Variants in PRSS3 observed in about 807,000 individuals in gnomAD.
PRSS3 encodes the protein serine protease 3, also known as trypsin-3.
In PRSS3, 14 loss-of-function variants were observed where a neutral mutation model predicts 20.8. The ratio of observed to expected loss-of-function variants is 0.67; its 90% confidence interval spans 0.44 to 1.05. The LOEUF is 1.05. PRSS3 is among the 50% of genes least tolerant of loss of function. The pLI is 0.00. For missense variants in PRSS3, 237 were observed against 306.4 expected (o/e 0.77, Z 1.69); for synonymous variants, 91 against 117.6 (o/e 0.77, Z 1.46).
At chr9:33,757,745 T>C (rs1823018692) in intron 1 of PRSS3, among the ~76,000 whole-genome samples, 1 of 152,180 alleles carries the variant, frequency 6.6e-6, no homozygotes. Flanking sequence ...TGATAAATGT[T>C]AGTTGACTTA....
chr9:33,753,805 T>C (rs1286217221), intron 1 of PRSS3, among the ~76,000 whole-genome samples: 3 of 152,196 alleles, frequency 2.0e-5, no homozygotes, highest in African/African-American at 7.2e-5. Context: ...AAAACCCTAC[T>C]ACAACGGCTT....
intron 1 of PRSS3, among the ~76,000 whole-genome samples, chr9:33,758,930 G>A (rs1445526825): frequency 6.6e-6 from 1 of 152,142 alleles, no homozygotes; most frequent in South Asian, 2.1e-4. Flanking sequence ...GTAGACTAAT[G>A]GGCAAGACAT....
upstream of PRSS3, among the ~76,000 whole-genome samples, chr9:33,793,484 C>T (rs1004940936): frequency 6.6e-6 from 1 of 152,220 alleles, no homozygotes; most frequent in Non-Finnish European, 1.5e-5. Flanking sequence ...ATCTACATGG[C>T]AGTCATGGCC....
chr9:33,763,421 C>T (rs1296231477), intron 1 of PRSS3, among the ~76,000 whole-genome samples: 11 of 152,304 alleles, frequency 7.2e-5, no homozygotes, highest in South Asian at 2.1e-4. Context: ...AGGTGGAGGC[C>T]GGGCGTGGTG....
chr9:33,786,234 C>T, intron 1 of PRSS3: 1 of 541,806 alleles, frequency 1.8e-6, no homozygotes. Flanking sequence ...CTGTCTCCTG[C>T]TCCTTCTCCG....
chr9:33,771,080 A>T (rs1459502667), intron 1 of PRSS3, among the ~76,000 whole-genome samples: 4 of 152,176 alleles, frequency 2.6e-5, no homozygotes, highest in Non-Finnish European at 5.9e-5. Flanking sequence ...TGTGGCCCAG[A>T]GTATCAGCAA....
chr9:33,789,383 A>G (rs901514935), intron 1 of PRSS3, among the ~76,000 whole-genome samples: 6 of 152,190 alleles, frequency 3.9e-5, no homozygotes, highest in African/African-American at 1.4e-4. Context: ...TCAAACCCCA[A>G]TGGGCTGACT....
intron 1 of PRSS3, among the ~76,000 whole-genome samples, chr9:33,789,839 A>G (rs1215682624): frequency 6.6e-6 from 1 of 152,228 alleles, no homozygotes; most frequent in Non-Finnish European, 1.5e-5. Flanking sequence ...CAAGTGACAG[A>G]CCTAAGTTTA....
At chr9:33,782,021 G>C (rs1050757339) in intron 1 of PRSS3, among the ~76,000 whole-genome samples, 2 of 152,214 alleles carry the variant, frequency 1.3e-5, no homozygotes, top group Admixed American at 1.3e-4. Context: ...GCCAGCTCAG[G>C]ATCCTCCATT....
At chr9:33,751,873 G>A (rs1271935900) in intron 1 of PRSS3, among the ~76,000 whole-genome samples, 1 of 152,128 alleles carries the variant, frequency 6.6e-6, no homozygotes, top group Non-Finnish European at 1.5e-5. Context: ...TTAGCTCTTC[G>A]TGACTGCGAG....
At chr9:33,768,213 C>T (rs1195577440) in intron 1 of PRSS3, among the ~76,000 whole-genome samples, 3 of 152,236 alleles carry the variant, frequency 2.0e-5, no homozygotes, top group African/African-American at 7.2e-5. Flanking sequence ...GGCGCTGTGG[C>T]TCACGCCTGT....
intron 1 of PRSS3, among the ~76,000 whole-genome samples, chr9:33,777,770 T>C (rs1824004484): frequency 6.6e-6 from 1 of 150,756 alleles, no homozygotes; most frequent in African/African-American, 2.4e-5. Context: ...TTATAGGATA[T>C]ATAAAATATA....
intron 1 of PRSS3, among the ~76,000 whole-genome samples, chr9:33,754,660 T>A (rs1162481225): frequency 2.6e-5 from 4 of 151,800 alleles, no homozygotes; most frequent in Non-Finnish European, 5.9e-5. Context: ...TGAAACCCCA[T>A]CTCTACTAAA....
chr9:33,789,335 T>C (rs1824535285), intron 1 of PRSS3, among the ~76,000 whole-genome samples: 2 of 152,238 alleles, frequency 1.3e-5, no homozygotes, highest in South Asian at 4.1e-4. Flanking sequence ...TTTTTTATAA[T>C]TCTCAGTAGA....
intron 1 of PRSS3, among the ~76,000 whole-genome samples, chr9:33,773,085 C>A (rs1421316982): frequency 2.0e-5 from 3 of 152,144 alleles, no homozygotes; most frequent in African/African-American, 7.2e-5. Flanking sequence ...TCCTTGGCAC[C>A]ATTTCCTCTC....
At chr9:33,778,303 A>G (rs531343874) in intron 1 of PRSS3, among the ~76,000 whole-genome samples, 1 of 152,312 alleles carries the variant, frequency 6.6e-6, no homozygotes, top group South Asian at 2.1e-4. Context: ...CATGTTCAAG[A>G]TCATAAAGAA....
chr9:33,754,303 C>A (rs1021622743), intron 1 of PRSS3, among the ~76,000 whole-genome samples: 1 of 151,726 alleles, frequency 6.6e-6, no homozygotes, highest in African/African-American at 2.4e-5. Context: ...AACTCCTGAC[C>A]TTGTGATCTG....
chr9:33,799,133 T>G lies in PRSS3; in HGVS notation c.697T>G (p.Tyr233Asp), dbSNP rs539143520. The change falls in exon 5 of 5, where the codon TAC becomes GAC. Residue 233 changes from tyrosine (Y) to aspartate (D), a missense_variant. By Grantham distance (160) the Tyr-to-Asp change is radical (BLOSUM62 -3). Coordinates refer to ENST00000379405, the MANE Select transcript of PRSS3 (RefSeq NM_002771.4). Reference protein sequence around the residue: ...KNRPGVYTKVYNYVDWIKDTI... With the variant: ...KNRPGVYTKVDNYVDWIKDTI... ...CAGGCCTGGAGTCTACACCAAGGTC[T>G]ACAACTATGTGGACTGGATTAAGGA... The G allele has an allele frequency of 6.2e-7, 1 of 1,614,074 alleles. No individual in the cohort carries two copies. Among genetic ancestry groups the G allele is most frequent in the Non-Finnish European group, 8.5e-7 (1 of 1,180,038 alleles).
At chr9:33,790,571 C>A (rs1432915545), upstream of PRSS3, among the ~76,000 whole-genome samples, 1 of 152,204 alleles carries the variant, frequency 6.6e-6, no homozygotes, top group Non-Finnish European at 1.5e-5. Flanking sequence ...CCCAAAGAGA[C>A]CCTTCCACTC....
Sources: gnomAD v4.1 joint callset for allele counts (sites outside exome capture counted in the v4.1 genomes callset) on GRCh38, gnomAD v4.1.1 for gene constraint, MANE v1.5 for transcripts, NCBI Gene and HGNC (gene_info 2026-07-23, HGNC 2026-07-21) for gene names.